The following ZNF469 variants were observed in gnomAD, a reference collection of about 807,000 sequenced individuals.
ZNF469 encodes zinc finger protein 469.
A neutral mutation model predicts 1.0 loss-of-function variants in ZNF469; 1 was observed. The ratio of observed to expected loss-of-function variants is 1.00; its 90% CI spans 0.35 to 4.73. ZNF469 has a LOEUF of 4.73. Among genes scored for constraint, ZNF469 ranks in the 30% most tolerant of loss-of-function variants. The pLI is 0.16. For missense variants in ZNF469, 6,100 were observed against 5,356.3 expected, an observed-to-expected ratio of 1.14 and a Z score of -4.33; for synonymous variants, 2,703 against 2,363.4, an observed-to-expected ratio of 1.14 and a Z score of -4.17.
At chr16:88,368,531 G>A in the ZNF469 span, among the ~76,000 whole-genome samples, 1 of 152,244 alleles carries the variant, frequency 6.6e-6, no homozygotes, top group Non-Finnish European at 1.5e-5. Context: ...CAACCTTGGA[G>A]AGAAGGTGGT....
chr16:88,430,523 T>G lies in ZNF469; in HGVS notation c.3053T>G (p.Leu1018Arg). 6.9e-7 allele frequency: 1 copy of G among 1,444,426 alleles called. No individual in the cohort carries two copies. The allele number at this position is 1,444,426 out of a possible 1,614,324, so 89.5% of individuals were successfully genotyped here. ...CCCCGGGTCCCGAGAGCCGCCGCCC[T>G]CCCCGAGGAGACCCGCAGCTCCCGG... is the stretch of plus-strand genomic sequence containing the variant. Reference protein sequence around the residue: ...PAPRVPRAAALPEETRSSRRR... With the variant: ...PAPRVPRAAARPEETRSSRRR... The change falls in exon 3 of 3, where the codon CTC becomes CGC. Residue 1018 changes from leucine to arginine, a missense_variant. Physicochemically the swap from Leu to Arg is moderately radical, Grantham distance 102. Transcript: ENST00000565624.
chr16:88,300,316 G>A, the ZNF469 span, among the ~76,000 whole-genome samples: 1 of 152,142 alleles, frequency 6.6e-6, no homozygotes, highest in Non-Finnish European at 1.5e-5. Context: ...TTACAGTCGG[G>A]AGACCCAAGT....
rs1906166136 is a variant in ZNF469 at position 88,431,335 on chromosome 16, C to T, written c.3865C>T (p.Pro1289Ser). 1.9e-6 allele frequency: 3 copies of T among 1,549,558 alleles called. No homozygotes were observed. Among genetic ancestry groups the T allele is most frequent in the Admixed American group, 2.0e-5 (1 of 50,992 alleles). ...KPSGSLANTA[P>S]HGSSPTPGVG... is the part of the protein sequence containing the mutation. ...GTCGGGAAGCCTCGCCAACACGGCGCCCCACGGAAGCTCGCCAACGCCAGG... is the reference window on the plus strand; with the variant it reads ...GTCGGGAAGCCTCGCCAACACGGCGTCCCACGGAAGCTCGCCAACGCCAGG... Residue 1289 changes from proline to serine, a missense_variant, in exon 3 of 3, where the codon CCC (proline) becomes TCC (serine). By Grantham distance (74) the Pro-to-Ser change is moderately conservative. Coordinates refer to ENST00000565624, the MANE Select transcript of ZNF469 (RefSeq NM_001367624.2).
At chr16:88,220,496 C>A in the ZNF469 span, among the ~76,000 whole-genome samples, 43 of 152,062 alleles carry the variant, frequency 2.8e-4, no homozygotes, top group Admixed American at 2.8e-3. Flanking sequence ...TGACAGAATG[C>A]CACAGTGTGA....
chr16:88,332,028 C>G, the ZNF469 span, among the ~76,000 whole-genome samples: 1,002 of 152,314 alleles, frequency 6.6e-3, 9 homozygotes, highest in African/African-American at 0.023. Flanking sequence ...CCCTCTGTCT[C>G]CGCATGGCCC....
the ZNF469 span, among the ~76,000 whole-genome samples, chr16:88,198,825 C>T: frequency 2.9e-4 from 44 of 152,318 alleles, no homozygotes; most frequent in African/African-American, 9.1e-4. Context: ...CTGCTGGTCA[C>T]GCCGGGACGT....
At chr16:88,409,046 GC>G (rs972098767) in intron 1 of ZNF469, among the ~76,000 whole-genome samples, 1 of 152,190 alleles carries the variant, frequency 6.6e-6, no homozygotes, top group Non-Finnish European at 1.5e-5. Context: ...GGGAGATGGG[GC>G]TGGGGCTGGG....
chr16:88,237,164 C>T, the ZNF469 span, among the ~76,000 whole-genome samples: 1 of 96,356 alleles, frequency 1.0e-5, no homozygotes, highest in African/African-American at 3.6e-5. Flanking sequence ...CCCTCCCTGC[C>T]CTCCTTGCTC....
At chr16:88,165,446 C>T in the ZNF469 span, among the ~76,000 whole-genome samples, 70 of 152,254 alleles carry the variant, frequency 4.6e-4, no homozygotes, top group African/African-American at 1.6e-3. Context: ...AGGGCTCACT[C>T]GGGCTCAACT....
the ZNF469 span, among the ~76,000 whole-genome samples, chr16:88,335,422 G>A: frequency 6.6e-6 from 1 of 152,236 alleles, no homozygotes; most frequent in African/African-American, 2.4e-5. Flanking sequence ...CTTCCAGGGC[G>A]GCCTTACTTC....
the ZNF469 span, among the ~76,000 whole-genome samples, chr16:88,119,628 A>G: frequency 2.6e-5 from 4 of 152,194 alleles, no homozygotes; most frequent in African/African-American, 9.7e-5. Flanking sequence ...GGGTGGAGAC[A>G]CAGGTGCCGG....
the ZNF469 span, among the ~76,000 whole-genome samples, chr16:88,182,796 A>G: frequency 1.5e-3 from 225 of 151,596 alleles, 1 homozygote; most frequent in African/African-American, 4.8e-3. Flanking sequence ...TAAAACATCT[A>G]GAAGAAAACA....
At chr16:88,404,412 G>T (rs914139714) in intron 1 of ZNF469, among the ~76,000 whole-genome samples, 19 of 152,368 alleles carry the variant, frequency 1.2e-4, no homozygotes, top group African/African-American at 3.8e-4. Flanking sequence ...GCACGAGTGA[G>T]TTGCTCACCT....
chr16:88,364,759 T>C, the ZNF469 span, among the ~76,000 whole-genome samples: 8 of 151,454 alleles, frequency 5.3e-5, no homozygotes, highest in East Asian at 1.2e-3. Context: ...AGGTCAGGAG[T>C]TCAAGACCAG....
intron 1 of ZNF469, among the ~76,000 whole-genome samples, chr16:88,408,240 C>T (rs1905066349): frequency 6.6e-6 from 1 of 152,238 alleles, no homozygotes; most frequent in Non-Finnish European, 1.5e-5. Flanking sequence ...ACAACCTCTG[C>T]CTCCCAGGTT....
upstream of ZNF469, among the ~76,000 whole-genome samples, chr16:88,382,920 C>T (rs2092528870): frequency 6.6e-6 from 1 of 150,476 alleles, no homozygotes; most frequent in East Asian, 2.0e-4. Flanking sequence ...GCGGGGGCGG[C>T]GGAGTCTGTA....
chr16:88,173,896 G>A, the ZNF469 span, among the ~76,000 whole-genome samples: 10 of 151,752 alleles, frequency 6.6e-5, no homozygotes, highest in South Asian at 2.1e-4. Flanking sequence ...TAAGACCCTC[G>A]ATTAATCTAA....
At chr16:88,399,959 G>A (rs4782350) in intron 1 of ZNF469, among the ~76,000 whole-genome samples, 39,152 of 152,132 alleles carry the variant, frequency 0.26, 5,623 homozygotes, top group African/African-American at 0.39. Context: ...GATCCCACGC[G>A]GGTCACTCCA....
chr16:88,136,493 G>T, the ZNF469 span, among the ~76,000 whole-genome samples: 1 of 152,260 alleles, frequency 6.6e-6, no homozygotes, highest in Non-Finnish European at 1.5e-5. Context: ...CGTAACCCCA[G>T]GCCTGGTTGA....
Sources: allele counts gnomAD v4.1 joint callset (sites outside exome capture counted in the v4.1 genomes callset), GRCh38; gene constraint gnomAD v4.1.1; transcripts MANE v1.5; gene names NCBI Gene and HGNC (gene_info 2026-07-23, HGNC 2026-07-21).